Variants in CDH18 observed in about 807,000 individuals in gnomAD.
CDH18 encodes cadherin-18.
A neutral mutation model predicts 67.9 loss-of-function variants in CDH18; 31 were observed. The ratio of observed to expected loss-of-function variants is 0.46; its 90% CI spans 0.34 to 0.62. The LOEUF (loss-of-function observed/expected upper bound fraction) is 0.62, where lower values mean the gene tolerates loss of function less well. CDH18 is among the 20% of genes least tolerant of loss of function. The pLI is 0.01. For missense variants in CDH18, 890 were observed against 975.5 expected, an observed-to-expected ratio of 0.91 and a Z score of 1.17; for synonymous variants, 362 against 347.2, an observed-to-expected ratio of 1.04 and a Z score of -0.48.
intron 1 of CDH18, among the ~76,000 whole-genome samples, chr5:20,481,492 G>C (rs994271174): frequency 6.6e-6 from 1 of 152,012 alleles, no homozygotes; most frequent in Non-Finnish European, 1.5e-5. Context: ...AGAAAATGTC[G>C]TTCGACAGCA....
At chr5:20,487,017 C>T (rs1035935190) in intron 1 of CDH18, among the ~76,000 whole-genome samples, 15 of 152,132 alleles carry the variant, frequency 9.9e-5, no homozygotes, top group Non-Finnish European at 2.2e-4. Context: ...ATCTGCAGAG[C>T]CAGGACTCAT....
At chr5:20,291,010 G>T (rs1374746147) in intron 1 of CDH18, among the ~76,000 whole-genome samples, 3 of 151,908 alleles carry the variant, frequency 2.0e-5, no homozygotes, top group Non-Finnish European at 4.4e-5. Flanking sequence ...AATGGACAAG[G>T]GAAAAATGTA....
chr5:19,738,063 GCT>G (rs1768591497), intron 4 of CDH18, among the ~76,000 whole-genome samples: 1 of 152,014 alleles, frequency 6.6e-6, no homozygotes, highest in African/African-American at 2.4e-5. Flanking sequence ...TTTAAGAATA[GCT>G]CTGTCTCTGT....
chr5:20,186,994 A>G lies in CDH18; in HGVS notation c.-518+68450T>C, dbSNP rs530753201. ...GTAAGGAAATTCTGACACAAGTTAT[A>G]ATATGGATAAACCTTGAAGACACGT... On this transcript the variant is annotated intron_variant, in intron 2 of 14. Transcript: ENST00000507958. Among the ~76,000 whole-genome samples, 9 of 152,112 alleles carry G rather than the reference A, an allele frequency of 5.9e-5. No individual in the cohort carries two copies. The South Asian group carries it at 1.9e-3, about 31-fold the overall frequency.
intron 2 of CDH18, among the ~76,000 whole-genome samples, chr5:20,176,651 A>T (rs939888434): frequency 3.3e-5 from 5 of 152,186 alleles, no homozygotes; most frequent in Admixed American, 1.3e-4. Flanking sequence ...AAGTAGGGTA[A>T]AATACTGAGT....
At chr5:20,427,714 C>T (rs10038847) in intron 1 of CDH18, among the ~76,000 whole-genome samples, 34,048 of 150,666 alleles carry the variant, frequency 0.23, 4,534 homozygotes, top group East Asian at 0.3. Context: ...TTATTCTTTC[C>T]ACTGACTTTA....
rs149651617 is a variant in CDH18, at chr5:20,257,973, C to T, written c.-579-2468G>A. ...TACACGTAGTTGTACAAAATGTATT[C>T]TCATTTATTATATAGGTCAGTACTT... On this transcript the variant is annotated intron_variant, in intron 1 of 14. Transcript: ENST00000507958. Among the ~76,000 whole-genome samples, 6 of 150,870 alleles carry T rather than the reference C, an allele frequency of 4.0e-5. 1 individual carries two copies. The highest frequency in any genetic ancestry group is 4.2e-4 in the South Asian group (2 of 4,724).
chr5:20,146,603 G>C (rs1471290160), intron 2 of CDH18, among the ~76,000 whole-genome samples: 1 of 122,050 alleles, frequency 8.2e-6, no homozygotes, highest in East Asian at 2.4e-4. Flanking sequence ...CATAAGTACT[G>C]AAAACTAATT....
intron 5 of CDH18, among the ~76,000 whole-genome samples, chr5:19,649,236 C>A (rs1755225758): frequency 6.6e-6 from 1 of 152,078 alleles, no homozygotes; most frequent in African/African-American, 2.4e-5. Context: ...TCTTTGAATG[C>A]CAATAAACTC....
intron 1 of CDH18, among the ~76,000 whole-genome samples, chr5:20,384,983 C>G (rs1359256829): frequency 6.6e-6 from 1 of 151,904 alleles, no homozygotes; most frequent in African/African-American, 2.4e-5. Flanking sequence ...ATCACGGGTG[C>G]CCACCACCAT....
chr5:20,449,423 C>T (rs1750257760), intron 1 of CDH18, among the ~76,000 whole-genome samples: 1 of 151,730 alleles, frequency 6.6e-6, no homozygotes, highest in Non-Finnish European at 1.5e-5. Flanking sequence ...AACATACAAG[C>T]CCAGGGCTTC....
upstream of CDH18, among the ~76,000 whole-genome samples, chr5:19,992,288 C>T (rs1800029063): frequency 6.6e-6 from 1 of 151,980 alleles, no homozygotes; most frequent in Non-Finnish European, 1.5e-5. Context: ...TAAAACTCCT[C>T]AATTTCTATT....
intron 1 of CDH18, among the ~76,000 whole-genome samples, chr5:20,454,821 G>C (rs1008915873): frequency 6.6e-6 from 1 of 152,078 alleles, no homozygotes; most frequent in African/African-American, 2.4e-5. Context: ...TTAATGAATA[G>C]ATACATTGAG....
intron 2 of CDH18, among the ~76,000 whole-genome samples, chr5:20,216,842 G>T (rs1018486637): frequency 6.6e-6 from 1 of 151,758 alleles, no homozygotes; most frequent in Non-Finnish European, 1.5e-5. Context: ...AACTCAATAT[G>T]GTCAAAGACA....
At chr5:20,061,120 G>A (rs939052185) in intron 2 of CDH18, among the ~76,000 whole-genome samples, 12 of 151,940 alleles carry the variant, frequency 7.9e-5, no homozygotes, top group Admixed American at 2.6e-4. Flanking sequence ...TATACACTCT[G>A]TGAAGGAGAA....
intron 1 of CDH18, among the ~76,000 whole-genome samples, chr5:20,499,588 A>C (rs1281593781): frequency 6.6e-6 from 1 of 152,070 alleles, no homozygotes; most frequent in African/African-American, 2.4e-5. Flanking sequence ...AACTCTAAAA[A>C]TATTGTGCCT....
At position 19,685,433 on chromosome 5, in the gene CDH18, T is replaced by A. The variant is rs544488961; in HGVS notation, c.643+35914A>T. ...AGGTTATTATTCCTGTTGTTCTCAT[T>A]TCCAGCCCTTTTCTGCCTTGGTGCG... On this transcript the variant is annotated intron_variant, in intron 5 of 12. Transcript: ENST00000382275. 1.9e-4 allele frequency among the ~76,000 whole-genome samples: 29 copies of A among 152,282 alleles called. No homozygotes were observed. In the South Asian group the frequency reaches 6.0e-3, roughly 32 times the overall value.
chr5:20,177,485 T>C (rs549613064), intron 2 of CDH18, among the ~76,000 whole-genome samples: 5 of 152,252 alleles, frequency 3.3e-5, no homozygotes, highest in Non-Finnish European at 4.4e-5. Context: ...TTATAGCTAT[T>C]CTTTTTTTTC....
intron 7 of CDH18, among the ~76,000 whole-genome samples, chr5:19,580,510 C>T (rs546805635): frequency 6.6e-6 from 1 of 152,008 alleles, no homozygotes; most frequent in African/African-American, 2.4e-5. Flanking sequence ...TTCTCCATCT[C>T]AAATACAGCT....
Sources: allele counts gnomAD v4.1 joint callset (sites outside exome capture counted in the v4.1 genomes callset), GRCh38; gene constraint gnomAD v4.1.1; transcripts MANE v1.5; gene names NCBI Gene and HGNC (gene_info 2026-07-23, HGNC 2026-07-21).